The following TRAM1L1 variants were observed in gnomAD, a reference collection of about 807,000 sequenced individuals.
TRAM1L1 encodes translocating chain-associated membrane protein 1-like 1.
For missense variants in TRAM1L1, 451 were observed against 439.9 expected (o/e 1.03, Z -0.23); for synonymous variants, 189 against 163.6 (o/e 1.16, Z -1.18).
Position 117,085,168 on chromosome 4 carries a change from C to A in TRAM1L1, c.226G>T (p.Gly76Cys). 4 of 1,614,004 alleles carry A rather than the reference C, an allele frequency of 2.5e-6. No individual in the cohort carries two copies. In the South Asian group the frequency reaches 4.4e-5, roughly 18 times the overall value. The change falls in exon 1 of 1, where the codon GGT (glycine) becomes TGT (cysteine). Residue 76 changes from glycine (G) to cysteine (C), a missense_variant. Gly to Cys is a radical substitution (Grantham distance 159, BLOSUM62 -3). Coordinates refer to ENST00000310754, the MANE Select transcript of TRAM1L1 (RefSeq NM_152402.3). ...ATGSKSLYYYGVKDLATVFFY... is the reference protein window; with the variant it reads ...ATGSKSLYYYCVKDLATVFFY... ...AAAACCGTGGCCAAATCTTTGACACCATAATAATAGAGGGACTTTGAGCCC... is the reference window on the plus strand; with the variant it reads ...AAAACCGTGGCCAAATCTTTGACACAATAATAATAGAGGGACTTTGAGCCC...
chr4:117,084,206 A>G lies in TRAM1L1; in HGVS notation c.*78T>C. 3 of 1,435,154 alleles carry G rather than the reference A, an allele frequency of 2.1e-6. No individual in the cohort carries two copies. Among genetic ancestry groups the G allele is most frequent in the East Asian group, 2.3e-5 (1 of 43,436 alleles). 88.9% of individuals were successfully genotyped at this position (1,435,154 alleles called of 1,614,324 possible). Reference sequence around the variant, plus strand: ...CGAAGAGCACGAACTATTTTCAAAAACAGAAAAATCTCTAGTGCAGAAAGA... The same window carrying G: ...CGAAGAGCACGAACTATTTTCAAAAGCAGAAAAATCTCTAGTGCAGAAAGA... On this transcript the variant is annotated 3_prime_UTR_variant, in exon 1 of 1. Transcript: ENST00000310754.
In TRAM1L1 at chr4:117,084,489, G is replaced by T; in HGVS notation, c.905C>A (p.Ser302Ter). 1 of 1,614,084 alleles carries T rather than the reference G, an allele frequency of 6.2e-7. No individual in the cohort carries two copies. The highest frequency in any genetic ancestry group is 1.3e-5 in the African/African-American group (1 of 74,998). ...NVLAAKIAVLSSSCTIQAYVT... is the reference protein window; with the variant it reads ...NVLAAKIAVL ...GTAGGCTTGGATCGTGCAACTGGAC[G>T]ACAGAACAGCAATTTTAGCTGCCAA... The change falls in exon 1 of 1, where the codon TCG (serine) becomes TAG (stop). Residue 302 changes from serine (S) to a stop codon, truncating the protein, a stop_gained. Transcript: ENST00000310754. LOFTEE classifies it low-confidence loss of function (END_TRUNC).
rs370338309 is a variant in TRAM1L1, at chr4:117,084,406, G to T, written c.988C>A (p.Gln330Lys). 1.9e-6 allele frequency: 3 copies of T among 1,613,964 alleles called. No individual in the cohort carries two copies. In the African/African-American group the frequency reaches 4.0e-5, roughly 22 times the overall value. The change falls in exon 1 of 1, where the codon CAG becomes AAG. Residue 330 changes from glutamine to lysine, a missense_variant. By Grantham distance (53) the Gln-to-Lys change is moderately conservative. Coordinates refer to ENST00000310754, the MANE Select transcript of TRAM1L1 (RefSeq NM_152402.3). Reference protein sequence around the residue: ...LQRWVEDSNIQASCMKKKRSR... With the variant: ...LQRWVEDSNIKASCMKKKRSR... ...CGTTTCTTTTTCATACATGAGGCCT[G>T]AATATTAGAATCTTCTACCCACCTC... is the stretch of plus-strand genomic sequence containing the variant.
rs1258883102 is a variant in TRAM1L1 at position 117,085,481 on chromosome 4, G to T, written c.-88C>A. 6.6e-7 allele frequency: 1 copy of T among 1,511,180 alleles called. No individual in the cohort carries two copies. The highest frequency in any genetic ancestry group is 2.1e-5 in the Admixed American group (1 of 47,566). 93.6% of individuals were successfully genotyped at this position (1,511,180 alleles called of 1,614,324 possible). On this transcript the variant is annotated 5_prime_UTR_variant, in exon 1 of 1. Transcript: ENST00000310754. ...GCGCCGCCGCCACGGTAGCAGCTCC[G>T]GGGGCTCCACTTCCCATCCCGAAGT... is the stretch of plus-strand genomic sequence containing the variant.
Position 117,084,363 on chromosome 4 carries a change from T to C in TRAM1L1, c.1031A>G (p.Lys344Arg), listed in dbSNP as rs760262115. 6.2e-7 allele frequency: 1 copy of C among 1,614,230 alleles called. No homozygotes were observed. The highest frequency in any genetic ancestry group is 8.5e-7 in the Non-Finnish European group (1 of 1,180,038). ...CACTCCCACTCCGTTTTCTGTTCTT[T>C]TTTTAGAAGATCTCGACCGTTTCTT... The part of the protein sequence containing the change: ...MKKKRSRSSK[K>R]RTENGVGVET... Residue 344 changes from lysine to arginine, a missense_variant, in exon 1 of 1, where the codon AAA becomes AGA. Lys to Arg is a conservative substitution (Grantham distance 26). Transcript: ENST00000310754.
Position 117,085,381 on chromosome 4 carries a change from T to C in TRAM1L1, c.13A>G (p.Lys5Glu). 6.2e-7 allele frequency: 1 copy of C among 1,609,150 alleles called. No individual in the cohort carries two copies. Among genetic ancestry groups the C allele is most frequent in the Non-Finnish European group, 8.5e-7 (1 of 1,176,510 alleles). Residue 5 changes from lysine to glutamate, a missense_variant, in exon 1 of 1, where the codon AAG (lysine) becomes GAG (glutamate). Transcript: ENST00000310754. Reference protein sequence around the residue: MGLRKKSTKNPPVLS... With the variant: MGLREKSTKNPPVLS... ...ACGGGGGGGTTCTTGGTGCTCTTCT[T>C]ACGGAGCCCCATGGTGGCGCTTCCC...
Position 117,084,421 on chromosome 4 carries a change from C to T in TRAM1L1, c.973G>A (p.Glu325Lys), listed in dbSNP as rs1732409733. 2 of 1,614,038 alleles carry T rather than the reference C, an allele frequency of 1.2e-6. No homozygotes were observed. The highest frequency in any genetic ancestry group is 1.7e-5 in the Admixed American group (1 of 59,996). Reference sequence around the variant, plus strand: ...CATGAGGCCTGAATATTAGAATCTTCTACCCACCTCTGAAGCCAGAGAGTA... The same window carrying T: ...CATGAGGCCTGAATATTAGAATCTTTTACCCACCTCTGAAGCCAGAGAGTA... ...LITLWLQRWVEDSNIQASCMK... is the reference protein window; with the variant it reads ...LITLWLQRWVKDSNIQASCMK... The change falls in exon 1 of 1, where the codon GAA becomes AAA. Residue 325 changes from glutamate to lysine, a missense_variant. Physicochemically the swap from Glu to Lys is moderately conservative, Grantham distance 56. Coordinates refer to ENST00000310754, the MANE Select transcript of TRAM1L1 (RefSeq NM_152402.3).
In TRAM1L1 at chr4:117,083,563, A is replaced by C. The variant is rs1012454776; in HGVS notation, c.*721T>G. 1 of 152,178 alleles carries C rather than the reference A, an allele frequency of 6.6e-6. No individual in the cohort carries two copies. Among genetic ancestry groups the C allele is most frequent in the Non-Finnish European group, 1.5e-5 (1 of 68,002 alleles). 9.4% of individuals were successfully genotyped at this position (152,178 alleles called of 1,614,324 possible). ...AAGACTAAGTTCAATGTCCTTTTTAAAGTAATATTTAATTTCATGAATTCC... is the reference window on the plus strand; with the variant it reads ...AAGACTAAGTTCAATGTCCTTTTTACAGTAATATTTAATTTCATGAATTCC... On this transcript the variant is annotated 3_prime_UTR_variant, in exon 1 of 1. Transcript: ENST00000310754.
Position 117,084,733 on chromosome 4 carries a change from G to A in TRAM1L1, c.661C>T (p.Leu221Phe), listed in dbSNP as rs771698987. 1.2e-6 allele frequency: 2 copies of A among 1,614,108 alleles called. No homozygotes were observed. The highest frequency in any genetic ancestry group is 2.2e-5 in the South Asian group (2 of 91,082). ...YLLYLNHLGL[L>F]LLVLHYFVEL... ...ACAAAATAATGCAGTACCAAAAGAA[G>A]AAGTCCCAAATGATTCAAGTACAAG... is the stretch of plus-strand genomic sequence containing the variant. The change falls in exon 1 of 1, where the codon CTT becomes TTT. Residue 221 changes from leucine to phenylalanine, a missense_variant. By Grantham distance (22) the Leu-to-Phe change is conservative. Transcript: ENST00000310754.
At position 117,085,350 on chromosome 4, in the gene TRAM1L1, C is replaced by G. The variant is rs1460064222; in HGVS notation, c.44G>C (p.Ser15Thr). 1.2e-6 allele frequency: 2 copies of G among 1,613,954 alleles called. No homozygotes were observed. The highest frequency in any genetic ancestry group is 4.5e-5 in the East Asian group (2 of 44,816). The change falls in exon 1 of 1, where the codon AGC (serine) becomes ACC (threonine). Residue 15 changes from serine (S) to threonine (T), a missense_variant. Physicochemically the swap from Ser to Thr is moderately conservative, Grantham distance 58. Coordinates refer to ENST00000310754, the MANE Select transcript of TRAM1L1 (RefSeq NM_152402.3). ...KKSTKNPPVL[S>T]QEFILQNHAD... ...ATGATTCTGCAGGATGAATTCCTGG[C>G]TGAGAACGGGGGGGTTCTTGGTGCT...
Position 117,085,511 on chromosome 4 carries a change from C to T in TRAM1L1, c.-118G>A. On this transcript the variant is annotated 5_prime_UTR_variant, in exon 1 of 1. Transcript: ENST00000310754. ...CTCCACTTCCCATCCCGAAGTCAGT[C>T]CCGGGTCGCAGCGGCCGCCCAGAAA... The T allele has an allele frequency of 7.1e-7, 1 of 1,404,118 alleles. No individual in the cohort carries two copies. Among genetic ancestry groups the T allele is most frequent in the Admixed American group, 2.5e-5 (1 of 39,970 alleles). The allele number at this position is 1,404,118 out of a possible 1,614,324, so 87.0% of individuals were successfully genotyped here.
Position 117,083,634 on chromosome 4 carries a change from T to G in TRAM1L1, c.*650A>C. 1 of 152,624 alleles carries G rather than the reference T, an allele frequency of 6.6e-6. No homozygotes were observed. The highest frequency in any genetic ancestry group is 2.1e-4 in the South Asian group (1 of 4,828). The allele number at this position is 152,624 out of a possible 1,614,324, so 9.5% of individuals were successfully genotyped here. A position where few individuals can be genotyped will look rare whatever the true frequency, so the allele number is the denominator to read the frequency against. ...AGGAATGATTTTAATATTTTTATATTAATTAATGATATTTTGATGCAATAT... is the reference window on the plus strand; with the variant it reads ...AGGAATGATTTTAATATTTTTATATGAATTAATGATATTTTGATGCAATAT... On this transcript the variant is annotated 3_prime_UTR_variant, in exon 1 of 1. Coordinates refer to ENST00000310754, the MANE Select transcript of TRAM1L1 (RefSeq NM_152402.3).
In TRAM1L1 at chr4:117,083,730, T is replaced by G. The variant is rs1732391603; in HGVS notation, c.*554A>C. The G allele has an allele frequency of 6.5e-6, 1 of 152,696 alleles. No individual in the cohort carries two copies. Among genetic ancestry groups the G allele is most frequent in the Admixed American group, 6.5e-5 (1 of 15,280 alleles). 9.5% of individuals were successfully genotyped at this position (152,696 alleles called of 1,614,324 possible). Reference sequence around the variant, plus strand: ...TTTTTAAATGGGGATGAAGCACTAATAATCACTACCTGTAAAATAAAGAAC... The same window carrying G: ...TTTTTAAATGGGGATGAAGCACTAAGAATCACTACCTGTAAAATAAAGAAC... On this transcript the variant is annotated 3_prime_UTR_variant, in exon 1 of 1. Transcript: ENST00000310754.
Position 117,084,158 on chromosome 4 carries a change from T to G in TRAM1L1, c.*126A>C. On this transcript the variant is annotated 3_prime_UTR_variant, in exon 1 of 1. Transcript: ENST00000310754. ...CCCTCAAATGTCTTTAAAAAATACA[T>G]GAAACAGTTCAATAACAAAAACCGA... 1 of 962,552 alleles carries G rather than the reference T, an allele frequency of 1.0e-6. No homozygotes were observed. Among genetic ancestry groups the G allele is most frequent in the East Asian group, 2.5e-5 (1 of 40,292 alleles). 59.6% of individuals were successfully genotyped at this position (962,552 alleles called of 1,614,324 possible).
In TRAM1L1 at chr4:117,084,436, G is replaced by A. The variant is rs1394832018; in HGVS notation, c.958C>T (p.Leu320Phe). Residue 320 changes from leucine to phenylalanine, a missense_variant, in exon 1 of 1, where the codon CTT becomes TTT. By Grantham distance (22) the Leu-to-Phe change is conservative. Transcript: ENST00000310754. ...TTAGAATCTTCTACCCACCTCTGAAGCCAGAGAGTAATTAAGTTCCATGTT... is the reference window on the plus strand; with the variant it reads ...TTAGAATCTTCTACCCACCTCTGAAACCAGAGAGTAATTAAGTTCCATGTT... ...YVTWNLITLW[L>F]QRWVEDSNIQ... 3.1e-6 allele frequency: 5 copies of A among 1,614,008 alleles called. No homozygotes were observed. The highest frequency in any genetic ancestry group is 1.3e-5 in the African/African-American group (1 of 74,898).
Position 117,084,274 on chromosome 4 carries a change from C to T in TRAM1L1, c.*10G>A, listed in dbSNP as rs1185666732. On this transcript the variant is annotated 3_prime_UTR_variant, in exon 1 of 1. Coordinates refer to ENST00000310754, the MANE Select transcript of TRAM1L1 (RefSeq NM_152402.3). ...TCCTTTGCAGACATTAATCAATGCG[C>T]TTGCAAAGATTATGAAGATTTCTCT... 4 of 1,592,032 alleles carry T rather than the reference C, an allele frequency of 2.5e-6. No homozygotes were observed. The highest frequency in any genetic ancestry group is 2.6e-6 in the Non-Finnish European group (3 of 1,171,418).
rs765842883 is a variant in TRAM1L1 at position 117,085,316 on chromosome 4, G to T, written c.78C>A (p.Ile26=). The T allele has an allele frequency of 2.5e-6, 4 of 1,614,106 alleles. No homozygotes were observed. In the Admixed American group the frequency reaches 6.7e-5, roughly 27 times the overall value. The change falls in exon 1 of 1, where the codon ATC becomes ATA. Residue 26 remains isoleucine (I), a synonymous_variant. Transcript: ENST00000310754. The part of the protein sequence containing the change: ...QEFILQNHAD[I]VSCVGMFFLL... ...GGAAGAACATCCCCACGCAGGAGAC[G>T]ATGTCCGCATGATTCTGCAGGATGA...
Position 117,084,210 on chromosome 4 carries a change from A to G in TRAM1L1, c.*74T>C. The G allele has an allele frequency of 6.9e-7, 1 of 1,447,962 alleles. No individual in the cohort carries two copies. The highest frequency in any genetic ancestry group is 9.2e-7 in the Non-Finnish European group (1 of 1,081,836). The allele number at this position is 1,447,962 out of a possible 1,614,324, so 89.7% of individuals were successfully genotyped here. On this transcript the variant is annotated 3_prime_UTR_variant, in exon 1 of 1. Coordinates refer to ENST00000310754, the MANE Select transcript of TRAM1L1 (RefSeq NM_152402.3). Reference sequence around the variant, plus strand: ...GAGCACGAACTATTTTCAAAAACAGAAAAATCTCTAGTGCAGAAAGAAACC... The same window carrying G: ...GAGCACGAACTATTTTCAAAAACAGGAAAATCTCTAGTGCAGAAAGAAACC...
At position 117,085,468 on chromosome 4, in the gene TRAM1L1, C is replaced by T; in HGVS notation, c.-75G>A. On this transcript the variant is annotated 5_prime_UTR_variant, in exon 1 of 1. It adds an upstream start codon to the 5' untranslated region. Coordinates refer to ENST00000310754, the MANE Select transcript of TRAM1L1 (RefSeq NM_152402.3). Reference sequence around the variant, plus strand: ...GCTGCTCCTCACAGCGCCGCCGCCACGGTAGCAGCTCCGGGGGCTCCACTT... The same window carrying T: ...GCTGCTCCTCACAGCGCCGCCGCCATGGTAGCAGCTCCGGGGGCTCCACTT... 1 of 1,537,784 alleles carries T rather than the reference C, an allele frequency of 6.5e-7. No homozygotes were observed. Among genetic ancestry groups the T allele is most frequent in the Non-Finnish European group, 8.8e-7 (1 of 1,139,116 alleles).
Sources: allele counts gnomAD v4.1 joint callset, GRCh38; gene constraint gnomAD v4.1.1; transcripts MANE v1.5; gene names NCBI Gene and HGNC (gene_info 2026-07-23, HGNC 2026-07-21).